The following AKAP6 variants were observed in gnomAD, a reference collection of about 807,000 sequenced individuals.
The protein encoded by AKAP6 is A-kinase anchoring protein 6.
Under a neutral mutation model 188.5 loss-of-function variants are expected in AKAP6, and 58 were observed. The observed-to-expected ratio is 0.31, with a 90% CI of 0.25 to 0.38. The LOEUF is 0.38. AKAP6 is among the 10% of genes least tolerant of loss of function. The pLI is 1.00. For missense variants in AKAP6, 2,710 were observed against 2,740.0 expected, an observed-to-expected ratio of 0.99 and a Z score of 0.24; for synonymous variants, 989 against 998.6, an observed-to-expected ratio of 0.99 and a Z score of 0.18.
chr14:32,502,714 T>C (rs1327011992), intron 2 of AKAP6, among the ~76,000 whole-genome samples: 2 of 152,118 alleles, frequency 1.3e-5, no homozygotes, highest in African/African-American at 4.8e-5. Flanking sequence ...ATACATACTG[T>C]TCTGCACCTT....
chr14:32,719,336 A>G (rs1310163971), intron 9 of AKAP6, among the ~76,000 whole-genome samples: 1 of 152,146 alleles, frequency 6.6e-6, no homozygotes, highest in Admixed American at 6.5e-5. Context: ...GGGAATGCCC[A>G]TTTGCATGAA....
chr14:32,591,462 A>G (rs2139319873), intron 5 of AKAP6, among the ~76,000 whole-genome samples: 1 of 131,030 alleles, frequency 7.6e-6, no homozygotes, highest in African/African-American at 2.8e-5. Context: ...AGATGCATCT[A>G]CTTTGCACCA....
chr14:32,792,963 A>G (rs1176544881), intron 12 of AKAP6, among the ~76,000 whole-genome samples: 1 of 152,220 alleles, frequency 6.6e-6, no homozygotes, highest in Non-Finnish European at 1.5e-5. Flanking sequence ...GATTCTTTTC[A>G]GGCAAGCAAA....
intron 8 of AKAP6, among the ~76,000 whole-genome samples, chr14:32,694,738 C>T (rs908242721): frequency 6.6e-6 from 1 of 151,902 alleles, no homozygotes; most frequent in African/African-American, 2.4e-5. Context: ...CACCCCATCA[C>T]CAGGCACACC....
In AKAP6 at chr14:32,824,709, C is replaced by T. The variant is rs1392623956; in HGVS notation, c.6896C>T (p.Thr2299Ile). ...DKAALHPSPK[T>I]LTCEENLLNL... ...GCCGCATTGCATCCCAGCCCCAAAA[C>T]TTTAACCTGTGAAGAAAATCTTCTA... Residue 2299 changes from threonine (T) to isoleucine (I), a missense_variant, in exon 13 of 14, where the codon ACT (threonine) becomes ATT (isoleucine). Physicochemically the swap from Thr to Ile is moderately conservative, Grantham distance 89 (BLOSUM62 -1). Coordinates refer to ENST00000280979, the MANE Select transcript of AKAP6 (RefSeq NM_004274.5). 1.2e-6 allele frequency: 2 copies of T among 1,613,596 alleles called. No homozygotes were observed. The highest frequency in any genetic ancestry group is 2.2e-5 in the South Asian group (2 of 91,022).
chr14:32,586,442 A>G (rs1885253064), intron 5 of AKAP6, among the ~76,000 whole-genome samples: 1 of 152,162 alleles, frequency 6.6e-6, no homozygotes, highest in Non-Finnish European at 1.5e-5. Flanking sequence ...AACCTGGCCA[A>G]TATGGTGAAA....
intron 1 of AKAP6, among the ~76,000 whole-genome samples, chr14:32,364,601 A>T (rs529357473): frequency 2.0e-5 from 3 of 152,024 alleles, no homozygotes; most frequent in African/African-American, 7.2e-5. Context: ...TATTTAGACC[A>T]TATCCTCCCT....
rs117493797 is a variant in AKAP6, at chr14:32,528,130, G to T, written c.325-7424G>T. On this transcript the variant is annotated intron_variant, in intron 2 of 13. Coordinates refer to ENST00000280979, the MANE Select transcript of AKAP6 (RefSeq NM_004274.5). The stretch of plus-strand genomic sequence containing the variant: ...TATTTTGAGTTAATTTTTGTTAAGG[G>T]TGTAAGGTCTATGTCTAGGATTATC... 4.8e-3 allele frequency among the ~76,000 whole-genome samples: 738 copies of T among 152,258 alleles called. 5 individuals are homozygous for T. The highest frequency in any genetic ancestry group is 0.013 in the East Asian group (68 of 5,188).
intron 5 of AKAP6, among the ~76,000 whole-genome samples, chr14:32,598,426 G>A (rs1389721408): frequency 6.6e-6 from 1 of 152,114 alleles, no homozygotes; most frequent in Non-Finnish European, 1.5e-5. Flanking sequence ...TAATCACAGA[G>A]ATGGAAAAAT....
At chr14:32,672,001 A>T (rs1021371944) in intron 7 of AKAP6, among the ~76,000 whole-genome samples, 1 of 152,134 alleles carries the variant, frequency 6.6e-6, no homozygotes, top group Non-Finnish European at 1.5e-5. Flanking sequence ...GATTGACTGA[A>T]ATTTCCTCCC....
At chr14:32,535,411 T>TA in intron 2 of AKAP6, 143 bp from the exon 3 acceptor site, 1 of 984,934 alleles carries the variant, frequency 1.0e-6, no homozygotes, top group Non-Finnish European at 1.5e-6. Flanking sequence ...GTATCTGAAC[T>TA]AAAACAAAGG....
chr14:32,349,788 C>T (rs759032109), intron 1 of AKAP6, among the ~76,000 whole-genome samples: 1 of 152,078 alleles, frequency 6.6e-6, no homozygotes, highest in Non-Finnish European at 1.5e-5. Flanking sequence ...ATCAGGGCTC[C>T]TTCAAGTAAT....
intron 2 of AKAP6, among the ~76,000 whole-genome samples, chr14:32,499,014 C>T (rs1460591514): frequency 2.0e-5 from 3 of 151,802 alleles, no homozygotes; most frequent in Non-Finnish European, 4.4e-5. Flanking sequence ...GTAGCACATA[C>T]TACCTAGTGG....
chr14:32,407,240 T>G (rs1156806374), intron 1 of AKAP6, among the ~76,000 whole-genome samples: 3 of 152,194 alleles, frequency 2.0e-5, no homozygotes, highest in Non-Finnish European at 4.4e-5. Context: ...TTCTGGGAAC[T>G]TTTACTAATC....
chr14:32,401,710 G>A (rs1889096643), intron 1 of AKAP6, among the ~76,000 whole-genome samples: 1 of 152,108 alleles, frequency 6.6e-6, no homozygotes, highest in Non-Finnish European at 1.5e-5. Flanking sequence ...AACTTAATCT[G>A]TCTCTCCTTA....
intron 9 of AKAP6, among the ~76,000 whole-genome samples, chr14:32,709,677 T>C (rs1890959304): frequency 6.6e-6 from 1 of 152,060 alleles, no homozygotes; most frequent in Non-Finnish European, 1.5e-5. Flanking sequence ...CAGAGGGAAT[T>C]CCACAGCCTT....
intron 1 of AKAP6, among the ~76,000 whole-genome samples, chr14:32,428,010 A>G (rs1594603136): frequency 6.6e-6 from 1 of 152,208 alleles, no homozygotes. Context: ...CATGATGAAA[A>G]GACTGCCTCT....
intron 9 of AKAP6, among the ~76,000 whole-genome samples, chr14:32,730,618 T>C (rs991476688): frequency 6.6e-6 from 1 of 152,116 alleles, no homozygotes; most frequent in South Asian, 2.1e-4. Context: ...CATTCCCAAG[T>C]GGCACAGCCA....
chr14:32,440,599 A>C (rs1213092963), intron 2 of AKAP6, among the ~76,000 whole-genome samples: 1 of 152,180 alleles, frequency 6.6e-6, no homozygotes, highest in Non-Finnish European at 1.5e-5. Context: ...AACTTTCTTC[A>C]AGATCTTTGA....
Sources: allele counts gnomAD v4.1 joint callset (sites outside exome capture counted in the v4.1 genomes callset), GRCh38; gene constraint gnomAD v4.1.1; transcripts MANE v1.5; gene names NCBI Gene and HGNC (gene_info 2026-07-23, HGNC 2026-07-21).